The following TYR variants were observed in gnomAD, a reference collection of about 807,000 sequenced individuals.
The protein encoded by TYR is LB24-AB.
A neutral mutation model predicts 51.5 loss-of-function variants in TYR; 58 were observed. The observed-to-expected ratio is 1.13, with a 90% CI of 0.91 to 1.40. The LOEUF (loss-of-function observed/expected upper bound fraction) is 1.40. TYR is among the 40% of genes most tolerant of loss of function. The pLI, the probability that TYR is intolerant of heterozygous loss-of-function variation, is 0.00. For missense variants in TYR, 732 were observed against 647.4 expected, an observed-to-expected ratio of 1.13 and a Z score of -1.42; for synonymous variants, 263 against 235.2, an observed-to-expected ratio of 1.12 and a Z score of -1.08.
At chr11:89,216,469 T>C (rs1041487172) in intron 2 of TYR, among the ~76,000 whole-genome samples, 3 of 151,762 alleles carry the variant, frequency 2.0e-5, no homozygotes, top group Non-Finnish European at 2.9e-5. Context: ...CCAGGCAACA[T>C]GGTGAAACCC....
At chr11:89,228,975 A>G (rs972131682) in intron 3 of TYR, among the ~76,000 whole-genome samples, 2 of 152,134 alleles carry the variant, frequency 1.3e-5, no homozygotes, top group South Asian at 4.1e-4. Flanking sequence ...CAGTTAATGA[A>G]TAAAGGGCAC....
chr11:89,220,743 C>A (rs755856058), intron 2 of TYR, among the ~76,000 whole-genome samples: 1 of 151,788 alleles, frequency 6.6e-6, no homozygotes, highest in Admixed American at 6.6e-5. Flanking sequence ...GCAACAAGAG[C>A]GAAACTCCGT....
intron 2 of TYR, among the ~76,000 whole-genome samples, chr11:89,199,070 TC>T (rs1378278186): frequency 6.6e-6 from 1 of 152,148 alleles, no homozygotes; most frequent in Non-Finnish European, 1.5e-5. Context: ...TTCATCCATG[TC>T]CCTAAAAAGG....
intron 1 of TYR, among the ~76,000 whole-genome samples, chr11:89,183,308 T>C (rs1048705276): frequency 4.0e-5 from 6 of 151,816 alleles, no homozygotes; most frequent in African/African-American, 1.5e-4. Context: ...TGCGTTGAAA[T>C]AGAAAAAAAA....
Position 89,178,354 on chromosome 11 carries a change from T to G in TYR, c.401T>G (p.Phe134Cys), listed in dbSNP as rs33955261. 6.2e-7 allele frequency: 1 copy of G among 1,613,930 alleles called. No individual in the cohort carries two copies. Among genetic ancestry groups the G allele is most frequent in the African/African-American group, 1.3e-5 (1 of 74,862 alleles). The change falls in exon 1 of 5, where the codon TTT becomes TGT. Residue 134 changes from phenylalanine (F) to cysteine (C), a missense_variant. Physicochemically the swap from Phe to Cys is radical, Grantham distance 205 (BLOSUM62 -2). Transcript: ENST00000263321. ...FDLSAPEKDK[F>C]FAYLTLAKHT... ...TTGAGTGCCCCAGAGAAGGACAAAT[T>G]TTTTGCCTACCTCACTTTAGCAAAG...
chr11:89,194,812 G>T (rs1943493887), intron 2 of TYR, among the ~76,000 whole-genome samples: 1 of 152,112 alleles, frequency 6.6e-6, no homozygotes, highest in African/African-American at 2.4e-5. Flanking sequence ...CTTCAAGCTG[G>T]TTCTTATGTC....
intron 2 of TYR, among the ~76,000 whole-genome samples, chr11:89,198,052 C>T (rs1943546251): frequency 6.6e-6 from 1 of 151,898 alleles, no homozygotes; most frequent in Non-Finnish European, 1.5e-5. Context: ...GAGCTGTGGG[C>T]TTTAATGAGA....
rs951676764 is a variant in TYR at position 89,198,769 on chromosome 11, A to ATATATATATATATATTT, written c.1036+7352_1036+7353insATATATATATATATTTT. On this transcript the variant is annotated intron_variant, in intron 2 of 4. Transcript: ENST00000263321. ...ACTTTTTTCTCATATATATATATAT[A>ATATATATATATATATTT]TTTTTATACTTTAAGTTCTAGGGTA... Among the ~76,000 whole-genome samples the ATATATATATATATATTT allele has an allele frequency of 6.1e-3, 921 of 151,022 alleles. 9 individuals are homozygous for ATATATATATATATATTT. The highest frequency in any genetic ancestry group is 0.021 in the African/African-American group (840 of 40,680).
chr11:89,215,011 G>T (rs1368848903), intron 2 of TYR, among the ~76,000 whole-genome samples: 3 of 151,948 alleles, frequency 2.0e-5, no homozygotes, highest in Non-Finnish European at 2.9e-5. Flanking sequence ...GTACGATATT[G>T]TAAAAATATA....
chr11:89,227,616 A>C (rs1943992725), intron 2 of TYR, among the ~76,000 whole-genome samples: 1 of 152,170 alleles, frequency 6.6e-6, no homozygotes, highest in Admixed American at 6.5e-5. Context: ...CATTGTACCC[A>C]AATTTGGGCC....
intron 3 of TYR, among the ~76,000 whole-genome samples, chr11:89,270,256 C>G (rs898824215): frequency 6.6e-6 from 1 of 151,572 alleles, no homozygotes; most frequent in East Asian, 2.0e-4. Context: ...GCTTTTTTTC[C>G]CTCTTATTAC....
intron 2 of TYR, among the ~76,000 whole-genome samples, chr11:89,212,568 TC>T (rs1483048767): frequency 6.9e-6 from 1 of 145,330 alleles, no homozygotes; most frequent in African/African-American, 2.7e-5. Flanking sequence ...AAACAGGGAA[TC>T]CTTCTTAATT....
chr11:89,243,632 T>C (rs1944228101), intron 3 of TYR, among the ~76,000 whole-genome samples: 1 of 152,226 alleles, frequency 6.6e-6, no homozygotes, highest in Admixed American at 6.5e-5. Flanking sequence ...TTTTCTGTGC[T>C]CAGGGTAATT....
intron 3 of TYR, among the ~76,000 whole-genome samples, chr11:89,268,249 C>G (rs1944549303): frequency 6.6e-6 from 1 of 151,904 alleles, no homozygotes; most frequent in Admixed American, 6.6e-5. Flanking sequence ...TGAGCTAACT[C>G]TCACTACTGC....
intron 3 of TYR, among the ~76,000 whole-genome samples, chr11:89,250,630 C>T (rs1944319718): frequency 6.6e-6 from 1 of 151,910 alleles, no homozygotes; most frequent in South Asian, 2.1e-4. Context: ...TCTAAGGCCT[C>T]TCTCTTTGAC....
chr11:89,224,766 C>T (rs899114470), intron 2 of TYR, among the ~76,000 whole-genome samples: 38 of 152,080 alleles, frequency 2.5e-4, no homozygotes, highest in African/African-American at 8.7e-4. Context: ...GTGGGGAATC[C>T]GAAACATTGG....
intron 3 of TYR, among the ~76,000 whole-genome samples, chr11:89,264,122 T>C (rs1317007548): frequency 6.6e-6 from 1 of 152,012 alleles, no homozygotes. Flanking sequence ...TGTTACTAGT[T>C]ACACTTGTTT....
At chr11:89,186,639 C>T (rs967121033) in intron 1 of TYR, among the ~76,000 whole-genome samples, 1 of 152,136 alleles carries the variant, frequency 6.6e-6, no homozygotes, top group African/African-American at 2.4e-5. Context: ...AAACAGAGGC[C>T]TTCTCTACCG....
At chr11:89,227,715 A>C in intron 2 of TYR, 108 bp from the exon 3 acceptor site, 1 of 954,124 alleles carries the variant, frequency 1.0e-6, no homozygotes, top group Non-Finnish European at 1.6e-6. Context: ...TTTTGATTTT[A>C]TATTTTGAAA....
Sources: allele counts gnomAD v4.1 joint callset (sites outside exome capture counted in the v4.1 genomes callset), GRCh38; gene constraint gnomAD v4.1.1; transcripts MANE v1.5; gene names NCBI Gene and HGNC (gene_info 2026-07-23, HGNC 2026-07-21).